The following NCKAP5 variants were observed in gnomAD, a reference collection of about 807,000 sequenced individuals.
NCKAP5 encodes the protein nck-associated protein 5.
In NCKAP5, 92 loss-of-function variants were observed where a neutral mutation model predicts 167.0. That is an observed-to-expected ratio of 0.55 (90% CI 0.47 to 0.66). NCKAP5 has a LOEUF of 0.66. Ranked by LOEUF, NCKAP5 falls within the 30% of genes least tolerant of loss-of-function variation. The pLI, the probability that NCKAP5 is intolerant of heterozygous loss-of-function variation, is 0.00. For missense variants in NCKAP5, 2,378 were observed against 2,315.0 expected (o/e 1.03, Z -0.56); for synonymous variants, 891 against 877.4 (o/e 1.02, Z -0.27).
intron 6 of NCKAP5, among the ~76,000 whole-genome samples, chr2:133,024,856 C>T (rs1346056077): frequency 6.6e-6 from 1 of 152,200 alleles, no homozygotes; most frequent in Admixed American, 6.5e-5. Context: ...TCAGTCCCAG[C>T]TGCCTAGCAT....
chr2:132,981,671 G>A (rs902907419), intron 7 of NCKAP5, among the ~76,000 whole-genome samples: 3 of 152,054 alleles, frequency 2.0e-5, no homozygotes, highest in Admixed American at 2.0e-4. Context: ...AATCACTTTA[G>A]GGAAATTATT....
chr2:133,142,666 T>A (rs761024993), intron 5 of NCKAP5, among the ~76,000 whole-genome samples: 4 of 152,094 alleles, frequency 2.6e-5, no homozygotes, highest in Non-Finnish European at 4.4e-5. Context: ...GGTCTTATGA[T>A]CAAAGGGAAA....
intron 3 of NCKAP5, among the ~76,000 whole-genome samples, chr2:133,420,821 G>A (rs541957737): frequency 1.1e-4 from 16 of 152,178 alleles, no homozygotes; most frequent in South Asian, 4.2e-4. Flanking sequence ...GCCTTACCTC[G>A]TCACTTGCGA....
chr2:132,698,163 A>G (rs936300648), intron 19 of NCKAP5, among the ~76,000 whole-genome samples: 4 of 152,178 alleles, frequency 2.6e-5, no homozygotes, highest in Non-Finnish European at 5.9e-5. Context: ...GTAGTATAAA[A>G]CTGTTCTGTC....
chr2:133,564,728 A>T (rs543171901), intron 1 of NCKAP5, among the ~76,000 whole-genome samples: 6 of 152,212 alleles, frequency 3.9e-5, no homozygotes, highest in African/African-American at 1.4e-4. Flanking sequence ...TTAAGTAGGG[A>T]GGGAGACACC....
chr2:132,857,283 G>A (rs1315747451), intron 11 of NCKAP5, among the ~76,000 whole-genome samples: 1 of 152,010 alleles, frequency 6.6e-6, no homozygotes, highest in Non-Finnish European at 1.5e-5. Context: ...GGAGCAGTTT[G>A]CATGCAGAAT....
chr2:133,033,834 A>C (rs1413706341), intron 6 of NCKAP5, among the ~76,000 whole-genome samples: 1 of 152,060 alleles, frequency 6.6e-6, no homozygotes, highest in Non-Finnish European at 1.5e-5. Flanking sequence ...TGAAAGAAAA[A>C]AGAATAAAAA....
intron 3 of NCKAP5, among the ~76,000 whole-genome samples, chr2:133,434,568 C>G (rs1185784606): frequency 6.6e-6 from 1 of 152,176 alleles, no homozygotes; most frequent in Non-Finnish European, 1.5e-5. Flanking sequence ...CAATATCTAT[C>G]TCATAGTGTT....
intron 14 of NCKAP5, 140 bp downstream of exon 14, chr2:132,781,800 T>C (rs1461227827): frequency 2.8e-6 from 2 of 702,686 alleles, no homozygotes; most frequent in Non-Finnish European, 4.6e-6. Flanking sequence ...CTGGCTAATG[T>C]ATAAAAGACT....
chr2:132,883,985 T>C (rs1485029638), intron 8 of NCKAP5, among the ~76,000 whole-genome samples: 1 of 152,098 alleles, frequency 6.6e-6, no homozygotes, highest in African/African-American at 2.4e-5. Context: ...AAAAAGTCTG[T>C]TTGAGAGTGA....
At chr2:133,459,743 A>T (rs1692085794) in intron 3 of NCKAP5, among the ~76,000 whole-genome samples, 1 of 152,204 alleles carries the variant, frequency 6.6e-6, no homozygotes, top group South Asian at 2.1e-4. Context: ...AATCATGAAG[A>T]TGTATTTAAC....
chr2:133,020,608 T>G (rs151172896), intron 6 of NCKAP5, among the ~76,000 whole-genome samples: 247 of 152,350 alleles, frequency 1.6e-3, no homozygotes, highest in African/African-American at 5.8e-3. Context: ...ATAATGTGTC[T>G]TTTGTTTTTA....
At chr2:133,346,398 G>T (rs919587227) in intron 3 of NCKAP5, among the ~76,000 whole-genome samples, 1 of 152,276 alleles carries the variant, frequency 6.6e-6, no homozygotes, top group East Asian at 1.9e-4. Context: ...GGATGAGAGG[G>T]GATGAGAAAT....
chr2:133,468,927 T>C (rs1413854269), intron 3 of NCKAP5, among the ~76,000 whole-genome samples: 1 of 152,238 alleles, frequency 6.6e-6, no homozygotes, highest in Non-Finnish European at 1.5e-5. Context: ...ATGGGTTTCC[T>C]GAATACAGCA....
At chr2:133,536,024 A>C (rs1685737865) in intron 2 of NCKAP5, among the ~76,000 whole-genome samples, 2 of 151,768 alleles carry the variant, frequency 1.3e-5, no homozygotes, top group South Asian at 4.2e-4. Context: ...TTCCTTGTAG[A>C]CTCTGGATAT....
intron 3 of NCKAP5, chr2:133,431,849 T>C (rs1690180867): frequency 6.6e-6 from 1 of 152,196 alleles, no homozygotes; most frequent in Non-Finnish European, 1.5e-5. Flanking sequence ...AAGTTTTACT[T>C]GGATTGAGGA....
In NCKAP5 at chr2:133,552,636, C is replaced by T. The variant is rs570731612; in HGVS notation, c.-62+6414G>A. ...GGGATGGATAGCATTGGGAGATATA[C>T]CTAATGCTAGATGACGAGTTAGTGG... is the stretch of plus-strand genomic sequence containing the variant. On this transcript the variant is annotated intron_variant, in intron 2 of 19. Coordinates refer to ENST00000409261, the MANE Select transcript of NCKAP5 (RefSeq NM_207363.3). 1.8e-4 allele frequency among the ~76,000 whole-genome samples: 26 copies of T among 140,754 alleles called. No homozygotes were observed. In the East Asian group the frequency reaches 5.6e-3, roughly 30 times the overall value. The allele number at this position is 140,754 out of a possible 152,430, so 92.3% of individuals were successfully genotyped here.
intron 8 of NCKAP5, among the ~76,000 whole-genome samples, chr2:132,941,372 C>T (rs566650543): frequency 9.2e-5 from 14 of 152,294 alleles, no homozygotes; most frequent in African/African-American, 3.1e-4. Flanking sequence ...CAGTGCCTAC[C>T]CTATGTCCCA....
intron 11 of NCKAP5, among the ~76,000 whole-genome samples, chr2:132,852,743 G>C (rs934319610): frequency 1.3e-5 from 2 of 152,170 alleles, no homozygotes; most frequent in African/African-American, 4.8e-5. Flanking sequence ...TGTTACCCTA[G>C]CAAACTCCTA....
Sources: gnomAD v4.1 joint callset for allele counts (sites outside exome capture counted in the v4.1 genomes callset) on GRCh38, gnomAD v4.1.1 for gene constraint, MANE v1.5 for transcripts, NCBI Gene and HGNC (gene_info 2026-07-23, HGNC 2026-07-21) for gene names.